Variants in KRTCAP3 observed in about 807,000 individuals in gnomAD.
The protein encoded by KRTCAP3 is keratinocyte associated protein 3.
A neutral mutation model predicts 20.5 loss-of-function variants in KRTCAP3; 18 were observed. The ratio of observed to expected loss-of-function variants is 0.88; its 90% CI spans 0.61 to 1.31. The LOEUF (loss-of-function observed/expected upper bound fraction) is 1.31. Among genes scored for constraint, KRTCAP3 ranks in the 50% most tolerant of loss-of-function variants. The pLI, the probability that KRTCAP3 is intolerant of heterozygous loss-of-function variation, is 0.00. For synonymous variants in KRTCAP3, 167 were observed against 133.7 expected (o/e 1.25, Z -1.72); for missense variants, 347 against 310.4 (o/e 1.12, Z -0.89).
chr2:27,445,967 C>T, downstream of KRTCAP3: 1 of 1,614,212 alleles, frequency 6.2e-7, no homozygotes, highest in Non-Finnish European at 8.5e-7. This position sits in a 1 kb window ranked among gnomAD's most constrained non-coding sequence, Gnocchi z 4.4. Flanking sequence ...AAGATGAATG[C>T]CATGTTATCC....
At chr2:27,444,701 G>A (rs1664875803), downstream of KRTCAP3, among the ~76,000 whole-genome samples, 4 of 152,184 alleles carry the variant, frequency 2.6e-5, no homozygotes, top group Admixed American at 2.0e-4. Flanking sequence ...AGGCTGGAGT[G>A]CAGTGGCACA....
chr2:27,446,213 C>A, downstream of KRTCAP3: 5 of 1,579,782 alleles, frequency 3.2e-6, no homozygotes, highest in Non-Finnish European at 4.3e-6. Context: ...TATTTTCCAA[C>A]CTTTAACTTC....
At chr2:27,445,353 C>T (rs1256025789), downstream of KRTCAP3, 12 of 1,613,280 alleles carry the variant, frequency 7.4e-6, no homozygotes, top group South Asian at 3.3e-5. The surrounding 1 kb of genome is among the most constrained non-coding windows in gnomAD (Gnocchi z 4.4). Flanking sequence ...AGGGAGGCCT[C>T]GTAGGCGCCA....
rs1489101671 is a variant in KRTCAP3, at chr2:27,444,012, G to GATCA, written c.681_684dup (p.Asn229SerfsTer32). On this transcript the variant is annotated frameshift_variant, in exon 6 of 7. Coordinates refer to ENST00000288873, the MANE Select transcript of KRTCAP3 (RefSeq NM_173853.4). LOFTEE classifies it low-confidence loss of function (END_TRUNC). ...AAGGCAGGAAAATGAGCAGCTACTG[G>GATCA]ATCAAAATCAAGAAATCCGGGCATC... 1 of 1,613,874 alleles carries GATCA rather than the reference G, an allele frequency of 6.2e-7. No homozygotes were observed. The highest frequency in any genetic ancestry group is 8.5e-7 in the Non-Finnish European group (1 of 1,179,852).
At chr2:27,445,599 G>T, downstream of KRTCAP3, 1 of 1,295,520 alleles carries the variant, frequency 7.7e-7, no homozygotes, top group Non-Finnish European at 1.1e-6. The surrounding 1 kb of genome is among the most constrained non-coding windows in gnomAD (Gnocchi z 4.4). Context: ...TGCAGTCACA[G>T]CCTTTTCTTT....
downstream of KRTCAP3, chr2:27,444,959 T>C: frequency 6.3e-7 from 1 of 1,580,066 alleles, no homozygotes; most frequent in South Asian, 1.2e-5. Flanking sequence ...TTGTTTTTTT[T>C]TCTTTTTTTA....
intron 3 of KRTCAP3, 57 bp downstream of exon 3, chr2:27,442,958 GCTGA>G: frequency 1.3e-6 from 2 of 1,589,694 alleles, no homozygotes; most frequent in Admixed American, 3.3e-5. Flanking sequence ...GGAAATGGGG[GCTGA>G]CTGAGCTTGG....
downstream of KRTCAP3, chr2:27,446,367 G>C (rs771843422): frequency 6.2e-6 from 10 of 1,613,328 alleles, no homozygotes; most frequent in African/African-American, 1.2e-4. Context: ...TGGGATTAAA[G>C]TCAAAGCATT....
At chr2:27,445,780 A>AGGG (rs1437853998), downstream of KRTCAP3, 3 of 1,614,126 alleles carry the variant, frequency 1.9e-6, no homozygotes, top group Admixed American at 5.0e-5. The surrounding 1 kb of genome is among the most constrained non-coding windows in gnomAD (Gnocchi z 4.4). Context: ...GGCACCTCAA[A>AGGG]GGGAATGTCT....
intron 2 of KRTCAP3, 35 bp from the exon 3 acceptor site, chr2:27,442,807 A>G (rs759201593): frequency 6.2e-7 from 1 of 1,611,442 alleles, no homozygotes. Context: ...GCTCCCGGAG[A>G]GCCCAGCAGG....
downstream of KRTCAP3, among the ~76,000 whole-genome samples, chr2:27,444,674 G>A (rs1293491354): frequency 6.6e-6 from 1 of 151,928 alleles, no homozygotes; most frequent in Non-Finnish European, 1.5e-5. Context: ...TTGAGACAAA[G>A]TCTTGCTTTG....
downstream of KRTCAP3, chr2:27,444,434 A>G (rs768540015): frequency 1.2e-6 from 2 of 1,606,706 alleles, no homozygotes; most frequent in Non-Finnish European, 1.7e-6. Context: ...TCTACCAACT[A>G]CTGAAAGGAA....
chr2:27,443,575 C>G (rs1391931828), intron 5 of KRTCAP3, 43 bp downstream of exon 5: 1 of 1,610,256 alleles, frequency 6.2e-7, no homozygotes, highest in African/African-American at 1.3e-5. Flanking sequence ...CAGAGACTGG[C>G]TGTGTTGAAA....
chr2:27,445,582 T>A, downstream of KRTCAP3: 2 of 1,294,472 alleles, frequency 1.5e-6, no homozygotes, highest in African/African-American at 3.0e-5. This position sits in a 1 kb window ranked among gnomAD's most constrained non-coding sequence, Gnocchi z 4.4. Flanking sequence ...CTCCTTGGAT[T>A]GGGGGATGCA....
At chr2:27,445,400 T>A, downstream of KRTCAP3, 2 of 1,612,662 alleles carry the variant, frequency 1.2e-6, no homozygotes. The surrounding 1 kb of genome is among the most constrained non-coding windows in gnomAD (Gnocchi z 4.4). Flanking sequence ...CAGCCGCTGG[T>A]CCATGGAGAC....
rs1391541189 is a variant in KRTCAP3 at position 27,442,454 on chromosome 2, C to G, written c.28+14C>G. The G allele has an allele frequency of 2.6e-6, 4 of 1,568,204 alleles. No individual in the cohort carries two copies. The highest frequency in any genetic ancestry group is 3.5e-6 in the Non-Finnish European group (4 of 1,156,954). On this transcript the variant is annotated intron_variant, in intron 1 of 6. Transcript: ENST00000288873. ...TCTGCGCTTTCGGTAACTTCCGGGC[C>G]CTGGCGTCTCGTCTCCTTACCCTGG...
At chr2:27,446,241 C>T, downstream of KRTCAP3, 4 of 1,611,846 alleles carry the variant, frequency 2.5e-6, no homozygotes, top group Non-Finnish European at 3.4e-6. Context: ...CTGCCCCACC[C>T]TTCCTTGTCC....
At position 27,443,523 on chromosome 2, in the gene KRTCAP3, T is replaced by C. The variant is rs1314533557; in HGVS notation, c.606T>C (p.Leu202=). 1 of 1,614,066 alleles carries C rather than the reference T, an allele frequency of 6.2e-7. No individual in the cohort carries two copies. The highest frequency in any genetic ancestry group is 1.7e-5 in the Admixed American group (1 of 60,002). The change falls in exon 5 of 7, where the codon CTT becomes CTC. Residue 202 remains leucine, a synonymous_variant. Coordinates refer to ENST00000288873, the MANE Select transcript of KRTCAP3 (RefSeq NM_173853.4). ...RGVGPCRKDG[L]QGQLEEMTEL... ...TTGGGCCCTGCAGGAAGGACGGACTTCAGGGGCAGGTAAGGAAGGCAAACA... is the reference window on the plus strand; with the variant it reads ...TTGGGCCCTGCAGGAAGGACGGACTCCAGGGGCAGGTAAGGAAGGCAAACA...
chr2:27,444,590 G>GACCCTGAAGCCTGCGATGGA, downstream of KRTCAP3: 2 of 1,223,338 alleles, frequency 1.6e-6, no homozygotes, highest in Non-Finnish European at 2.4e-6. Flanking sequence ...CTCCATCGCA[G>GACCCTGAAGCCTGCGATGGA]GCTTCAGGGT....
Sources: allele counts gnomAD v4.1 joint callset (sites outside exome capture counted in the v4.1 genomes callset), GRCh38; gene constraint gnomAD v4.1.1; non-coding constraint Gnocchi (gnomAD v3.1); transcripts MANE v1.5; gene names NCBI Gene and HGNC (gene_info 2026-07-23, HGNC 2026-07-21).